DNAAF5: variants seen among roughly 807,000 people sequenced by gnomAD.
DNAAF5 encodes HEAT repeat containing 2.
A neutral mutation model predicts 75.8 loss-of-function variants in DNAAF5; 64 were observed. That is an observed-to-expected ratio of 0.84 (90% confidence interval 0.69 to 1.04). The LOEUF (loss-of-function observed/expected upper bound fraction) is 1.04, where lower values mean the gene tolerates loss of function less well. Ranked by LOEUF, DNAAF5 falls within the 50% of genes least tolerant of loss-of-function variation. The pLI, the probability that DNAAF5 is intolerant of heterozygous loss-of-function variation, is 0.00. For synonymous variants in DNAAF5, 657 were observed against 557.2 expected (o/e 1.18, Z -2.52); for missense variants, 1,269 against 1,178.5 (o/e 1.08, Z -1.12).
chr7:785,777 T>A lies in DNAAF5; in HGVS notation c.*124T>A. On this transcript the variant is annotated 3_prime_UTR_variant, in exon 13 of 13. Transcript: ENST00000297440. ...GACTGTGACAGCAAGAATGTACTCC[T>A]CAGGACACCTGCCCACTCTTTCCCT... is the stretch of plus-strand genomic sequence containing the variant. 1 of 1,088,652 alleles carries A rather than the reference T, an allele frequency of 9.2e-7. No homozygotes were observed. The highest frequency in any genetic ancestry group is 1.3e-6 in the Non-Finnish European group (1 of 772,678). 67.4% of individuals were successfully genotyped at this position (1,088,652 alleles called of 1,614,324 possible).
At chr7:727,347 AC>A in intron 1 of DNAAF5, 32 bp downstream of exon 1, 4 of 1,014,458 alleles carry the variant, frequency 3.9e-6, no homozygotes, top group South Asian at 3.6e-5. Flanking sequence ...CCCACACGCC[AC>A]CCCACACTCT....
chr7:748,632 G>A (rs1238436774), intron 4 of DNAAF5, among the ~76,000 whole-genome samples: 3 of 151,742 alleles, frequency 2.0e-5, no homozygotes, highest in Non-Finnish European at 4.4e-5. Flanking sequence ...GTTTCCTCCT[G>A]CCCCCTACCA....
intron 6 of DNAAF5, among the ~76,000 whole-genome samples, chr7:757,828 G>T (rs1253553909): frequency 6.6e-6 from 1 of 152,230 alleles, no homozygotes; most frequent in Non-Finnish European, 1.5e-5. Context: ...ACCCCTGGAG[G>T]CACTTGCTCC....
intron 6 of DNAAF5, among the ~76,000 whole-genome samples, chr7:757,432 G>A (rs750612370): frequency 2.6e-5 from 4 of 152,194 alleles, no homozygotes; most frequent in South Asian, 2.1e-4. Context: ...GTGGTCGCAC[G>A]TCCACCATCC....
intron 4 of DNAAF5, among the ~76,000 whole-genome samples, chr7:745,011 G>T (rs934144856): frequency 6.6e-6 from 1 of 152,172 alleles, no homozygotes; most frequent in Non-Finnish European, 1.5e-5. Context: ...AATCCCACGC[G>T]TGCTGTGGTG....
chr7:729,186 A>C (rs1350753156), intron 1 of DNAAF5, among the ~76,000 whole-genome samples: 1 of 152,012 alleles, frequency 6.6e-6, no homozygotes, highest in Non-Finnish European at 1.5e-5. Flanking sequence ...CTTTACAAAT[A>C]GGAAGTGCAG....
At chr7:784,796 A>G (rs1178922493) in intron 12 of DNAAF5, among the ~76,000 whole-genome samples, 1 of 152,182 alleles carries the variant, frequency 6.6e-6, no homozygotes, top group African/African-American at 2.4e-5. Context: ...TGCTCCTGTG[A>G]AACCTGTTTC....
In DNAAF5 at chr7:740,991, G is replaced by A. The variant is rs77140093; in HGVS notation, c.905+48G>A. 10,328 of 1,595,994 alleles carry A rather than the reference G, an allele frequency of 6.5e-3. 37 individuals are homozygous for A. The highest frequency in any genetic ancestry group is 7.3e-3 in the Non-Finnish European group (8,607 of 1,173,362). Reference sequence around the variant, plus strand: ...GCCTTGTCTTCCTAAACGGTCATGTGTAGCAGTGGTGGTTTCTCTTTGCTC... The same window carrying A: ...GCCTTGTCTTCCTAAACGGTCATGTATAGCAGTGGTGGTTTCTCTTTGCTC... On this transcript the variant is annotated intron_variant, in intron 3 of 12. Coordinates refer to ENST00000297440, the MANE Select transcript of DNAAF5 (RefSeq NM_017802.4).
chr7:762,068 C>G (rs1301065714), intron 7 of DNAAF5, among the ~76,000 whole-genome samples, 172 bp downstream of exon 7: 1 of 152,140 alleles, frequency 6.6e-6, no homozygotes. Flanking sequence ...GGGCAGCTCT[C>G]CAGCTGCCAG....
In DNAAF5 at chr7:757,791, C is replaced by T. The variant is rs142651329; in HGVS notation, c.1470+797C>T. On this transcript the variant is annotated intron_variant, in intron 6 of 12. Coordinates refer to ENST00000297440, the MANE Select transcript of DNAAF5 (RefSeq NM_017802.4). ...CACAGGGCTGCCCCCACCAGGCGGC[C>T]GTGCCATGCAGGGCGGGCCTCAGCT... 5.3e-3 allele frequency among the ~76,000 whole-genome samples: 807 copies of T among 152,332 alleles called. 2 individuals carry two copies. Among genetic ancestry groups the T allele is most frequent in the African/African-American group, 0.011 (469 of 41,566 alleles).
At chr7:762,000 A>AGCCCCAGG in intron 7 of DNAAF5, 104 bp downstream of exon 7, 38 of 1,146,248 alleles carry the variant, frequency 3.3e-5, no homozygotes, top group Middle Eastern at 3.0e-4. Context: ...TCTGTGCTTG[A>AGCCCCAGG]CCAGCAAAGA....
chr7:769,318 T>G (rs1009381206), intron 8 of DNAAF5: 1 of 654,854 alleles, frequency 1.5e-6, no homozygotes, highest in African/African-American at 1.8e-5. Context: ...CTTCAGCTCC[T>G]GGGCCTGCAG....
chr7:726,889 C>G lies in DNAAF5; in HGVS notation c.169C>G (p.Leu57Val). The change falls in exon 1 of 13, where the codon CTG (leucine) becomes GTG (valine). Residue 57 changes from leucine (L) to valine (V), a missense_variant. Leu to Val is a conservative substitution (Grantham distance 32). Coordinates refer to ENST00000297440, the MANE Select transcript of DNAAF5 (RefSeq NM_017802.4). ...RRALEALRRA[L>V]EEPGPAADPT... ...CGCCTTGGAGGCCCTGCGGCGCGCG[C>G]TGGAGGAGCCAGGCCCTGCCGCCGA... 1 of 1,333,824 alleles carries G rather than the reference C, an allele frequency of 7.5e-7. No individual in the cohort carries two copies. 82.6% of individuals were successfully genotyped at this position (1,333,824 alleles called of 1,614,324 possible).
At chr7:752,883 T>C (rs1782353271) in intron 4 of DNAAF5, among the ~76,000 whole-genome samples, 1 of 152,272 alleles carries the variant, frequency 6.6e-6, no homozygotes, top group South Asian at 2.1e-4. Flanking sequence ...CAATCCATTT[T>C]TTTAAATGGG....
chr7:783,886 A>C (rs1388248654), intron 12 of DNAAF5, among the ~76,000 whole-genome samples: 2 of 152,110 alleles, frequency 1.3e-5, no homozygotes, highest in Non-Finnish European at 2.9e-5. Flanking sequence ...GCCCCTGTGC[A>C]CCAGCTCAGC....
intron 6 of DNAAF5, among the ~76,000 whole-genome samples, chr7:760,691 C>T (rs938136863): frequency 3.9e-5 from 6 of 152,190 alleles, no homozygotes; most frequent in African/African-American, 1.2e-4. Context: ...AGTAAGCACA[C>T]GCAAAGCCTT....
In DNAAF5 at chr7:727,122, G is replaced by A. The variant is rs1781345186; in HGVS notation, c.402G>A (p.Pro134=). 1 of 1,143,620 alleles carries A rather than the reference G, an allele frequency of 8.7e-7. No homozygotes were observed. Among genetic ancestry groups the A allele is most frequent in the Non-Finnish European group, 1.1e-6 (1 of 934,004 alleles). 70.8% of individuals were successfully genotyped at this position (1,143,620 alleles called of 1,614,324 possible). ...RLAGPVPARR[P]PEACEELRLA... ...CCGGCCCCGTGCCCGCGCGCCGCCC[G>A]CCCGAGGCCTGTGAGGAGCTGCGCC... The change falls in exon 1 of 13, where the codon CCG becomes CCA. Residue 134 remains proline, a synonymous_variant. Coordinates refer to ENST00000297440, the MANE Select transcript of DNAAF5 (RefSeq NM_017802.4).
intron 7 of DNAAF5, among the ~76,000 whole-genome samples, chr7:763,023 A>G (rs2128080819): frequency 6.6e-6 from 1 of 151,178 alleles, no homozygotes; most frequent in East Asian, 1.9e-4. Context: ...TCCTCCTCCC[A>G]TTCTGTCTCT....
intron 12 of DNAAF5, 86 bp downstream of exon 12, chr7:780,230 C>G: frequency 3.8e-6 from 5 of 1,320,804 alleles, no homozygotes; most frequent in Non-Finnish European, 5.3e-6. Flanking sequence ...TGTGACCGGC[C>G]ACAGGGCCCT....
Sources: allele counts gnomAD v4.1 joint callset (sites outside exome capture counted in the v4.1 genomes callset), GRCh38; gene constraint gnomAD v4.1.1; transcripts MANE v1.5; gene names NCBI Gene and HGNC (gene_info 2026-07-23, HGNC 2026-07-21).